The following RAB11A variants were observed in gnomAD, a reference collection of about 807,000 sequenced individuals.
RAB11A encodes the protein ras-related protein Rab-11A.
Under a neutral mutation model 28.0 loss-of-function variants are expected in RAB11A, and 9 were observed. The observed-to-expected ratio is 0.32, with a 90% CI of 0.19 to 0.56. RAB11A has a LOEUF of 0.56. RAB11A is among the 20% of genes least tolerant of loss of function. RAB11A has a pLI of 0.91. For missense variants in RAB11A, 108 were observed against 269.6 expected (o/e 0.40, Z 4.20); for synonymous variants, 85 against 88.2 (o/e 0.96, Z 0.20).
chr15:65,878,604 G>A (rs1372836573), intron 3 of RAB11A, among the ~76,000 whole-genome samples: 3 of 152,172 alleles, frequency 2.0e-5, no homozygotes, highest in Non-Finnish European at 4.4e-5. Context: ...GCGTGAACCC[G>A]GGAGCAGAGC....
chr15:65,872,981 TG>T (rs1740731508), intron 1 of RAB11A, among the ~76,000 whole-genome samples: 1 of 152,168 alleles, frequency 6.6e-6, no homozygotes, highest in Non-Finnish European at 1.5e-5. Flanking sequence ...GGAGTTAGTT[TG>T]TAACTAACCA....
intron 3 of RAB11A, 90 bp downstream of exon 3, chr15:65,878,045 A>G (rs1246005979): frequency 1.6e-6 from 2 of 1,254,768 alleles, no homozygotes; most frequent in Admixed American, 3.4e-5. Flanking sequence ...TAATAGTTTC[A>G]GAGAGGTAAA....
At chr15:65,879,808 T>C in intron 4 of RAB11A, 57 bp downstream of exon 4, 1 of 1,281,536 alleles carries the variant, frequency 7.8e-7, no homozygotes, top group Non-Finnish European at 1.1e-6. Flanking sequence ...GGAAGGTAAT[T>C]TAAACAAACT....
At chr15:65,872,754 CTCTTACAGGATATGAGTCACTTTTTCT>C (rs2078170700) in intron 1 of RAB11A, among the ~76,000 whole-genome samples, 1 of 152,140 alleles carries the variant, frequency 6.6e-6, no homozygotes, top group African/African-American at 2.4e-5. Context: ...TTTTTTAAAG[CTCTTACAGGATATGAGTCACTTTTTCT>C]TTTTCTTTTT....
chr15:65,876,289 T>A (rs1037045950), intron 1 of RAB11A, among the ~76,000 whole-genome samples: 4 of 152,092 alleles, frequency 2.6e-5, no homozygotes, highest in Non-Finnish European at 5.9e-5. Flanking sequence ...CCTTGCTTTG[T>A]TGTATTTTAT....
intron 4 of RAB11A, among the ~76,000 whole-genome samples, chr15:65,881,906 A>C (rs934755290): frequency 6.6e-6 from 1 of 150,420 alleles, no homozygotes; most frequent in Non-Finnish European, 1.5e-5. Flanking sequence ...AAAAAACACA[A>C]AAAAATTAGC....
intron 3 of RAB11A, 187 bp downstream of exon 3, chr15:65,878,142 C>T (rs2078200253): frequency 4.5e-6 from 3 of 674,060 alleles, no homozygotes; most frequent in Non-Finnish European, 7.9e-6. Context: ...TAATATTTTG[C>T]TGCCAAAAAA....
At chr15:65,869,958 C>G (rs1430912368) in intron 1 of RAB11A, 4 of 245,310 alleles carry the variant, frequency 1.6e-5, no homozygotes, top group Non-Finnish European at 3.1e-5. Flanking sequence ...CACCATCTCT[C>G]TTTTCGGGTG....
chr15:65,869,535 G>T lies in RAB11A; in HGVS notation c.-51G>T, dbSNP rs1386807438. 1.3e-6 allele frequency: 2 copies of T among 1,599,172 alleles called. No individual in the cohort carries two copies. Among genetic ancestry groups the T allele is most frequent in the Non-Finnish European group, 1.7e-6 (2 of 1,174,568 alleles). On this transcript the variant is annotated 5_prime_UTR_variant, in exon 1 of 5. Coordinates refer to ENST00000261890, the MANE Select transcript of RAB11A (RefSeq NM_004663.5). Reference sequence around the variant, plus strand: ...GGTTACCCCTGCAGCGACGCCCCCTGGTCCCACAGATACCACTGCTGCTCC... The same window carrying T: ...GGTTACCCCTGCAGCGACGCCCCCTTGTCCCACAGATACCACTGCTGCTCC...
rs370187990 is a variant in RAB11A at position 65,879,757 on chromosome 15, A to G, written c.511+6A>G. The stretch of plus-strand genomic sequence containing the variant: ...TTTTCAGACAATTTTAACAGGTAAG[A>G]CTTGTATTTTCAGATTACACCAGTA... On this transcript the variant is annotated splice_donor_region_variant and intron_variant, in intron 4 of 4. Coordinates refer to ENST00000261890, the MANE Select transcript of RAB11A (RefSeq NM_004663.5). 3 of 1,549,580 alleles carry G rather than the reference A, an allele frequency of 1.9e-6. No individual in the cohort carries two copies. The highest frequency in any genetic ancestry group is 2.3e-5 in the East Asian group (1 of 44,194).
At chr15:65,879,197 C>T (rs943462444) in intron 3 of RAB11A, among the ~76,000 whole-genome samples, 1 of 152,142 alleles carries the variant, frequency 6.6e-6, no homozygotes, top group South Asian at 2.1e-4. Context: ...CAAAACCTCT[C>T]TCCAGTGTTT....
chr15:65,873,007 GA>G, intron 1 of RAB11A, among the ~76,000 whole-genome samples: 1 of 152,280 alleles, frequency 6.6e-6, no homozygotes, highest in East Asian at 1.9e-4. Context: ...AAAATAAAGG[GA>G]TATTTTGATT....
rs1029181275 is a variant in RAB11A, at chr15:65,888,335, T to C, written c.*495T>C. On this transcript the variant is annotated 3_prime_UTR_variant, in exon 5 of 5. Coordinates refer to ENST00000261890, the MANE Select transcript of RAB11A (RefSeq NM_004663.5). ...TTGAGAGCTTGAAAATTTTCCATTA[T>C]TCTGGACATGAATTTCTAAAATGCC... The C allele has an allele frequency of 2.0e-5, 3 of 152,876 alleles. No homozygotes were observed. The highest frequency in any genetic ancestry group is 7.2e-5 in the African/African-American group (3 of 41,480). The allele number at this position is 152,876 out of a possible 1,614,324, so 9.5% of individuals were successfully genotyped here.
At chr15:65,885,837 G>A (rs886735683) in intron 4 of RAB11A, among the ~76,000 whole-genome samples, 2 of 152,222 alleles carry the variant, frequency 1.3e-5, no homozygotes, top group African/African-American at 4.8e-5. Context: ...CCAGAGAGAT[G>A]ACCCACCTCC....
At chr15:65,882,300 TA>T (rs2078227875) in intron 4 of RAB11A, among the ~76,000 whole-genome samples, 1 of 152,260 alleles carries the variant, frequency 6.6e-6, no homozygotes, top group Non-Finnish European at 1.5e-5. Flanking sequence ...ATGTTTGTTC[TA>T]AACTTTCTTC....
rs1360410923 is a variant in RAB11A at position 65,877,103 on chromosome 15, GA to G, written c.41-227del. 1.3e-5 allele frequency among the ~76,000 whole-genome samples: 2 copies of G among 152,234 alleles called. No individual in the cohort carries two copies. The highest frequency in any genetic ancestry group is 2.9e-5 in the Non-Finnish European group (2 of 68,038). On this transcript the variant is annotated intron_variant, in intron 1 of 4. Coordinates refer to ENST00000261890, the MANE Select transcript of RAB11A (RefSeq NM_004663.5). The surrounding 1 kb of genome is among the most constrained non-coding windows in gnomAD (Gnocchi z 4.1). ...ATCTGTGCTAAGCAGATGATATGTGGAAGTCATGCAGGTAGAAACAGGTTGA... is the reference window on the plus strand; with the variant it reads ...ATCTGTGCTAAGCAGATGATATGTGGAGTCATGCAGGTAGAAACAGGTTGA...
rs766878106 is a variant in RAB11A, at chr15:65,877,420, C to T, written c.129C>T (p.Thr43=). 1.9e-6 allele frequency: 3 copies of T among 1,613,942 alleles called. No individual in the cohort carries two copies. In the South Asian group the frequency reaches 3.3e-5, roughly 18 times the overall value. ...AGTTTAATCTGGAAAGCAAGAGCACCATTGGAGTAGAGTTTGCAACAAGAA... is the reference window on the plus strand; with the variant it reads ...AGTTTAATCTGGAAAGCAAGAGCACTATTGGAGTAGAGTTTGCAACAAGAA... The part of the protein sequence containing the change: ...RNEFNLESKS[T]IGVEFATRSI... The change falls in exon 2 of 5, where the codon ACC becomes ACT. Residue 43 remains threonine (T), a synonymous_variant. Transcript: ENST00000261890. This position sits in a 1 kb window ranked among gnomAD's most constrained non-coding sequence, Gnocchi z 4.1.
At chr15:65,884,481 T>C (rs553560564) in intron 4 of RAB11A, among the ~76,000 whole-genome samples, 2 of 152,166 alleles carry the variant, frequency 1.3e-5, no homozygotes, top group South Asian at 4.1e-4. Flanking sequence ...AACAAATATA[T>C]GTAAAACTGG....
At chr15:65,878,635 G>A (rs527328365) in intron 3 of RAB11A, among the ~76,000 whole-genome samples, 30 of 152,328 alleles carry the variant, frequency 2.0e-4, no homozygotes, top group African/African-American at 6.0e-4. Context: ...CCGAGATAGC[G>A]CCACTGCAGT....
Sources: allele counts gnomAD v4.1 joint callset (sites outside exome capture counted in the v4.1 genomes callset), GRCh38; gene constraint gnomAD v4.1.1; non-coding constraint Gnocchi (gnomAD v3.1); transcripts MANE v1.5; gene names NCBI Gene and HGNC (gene_info 2026-07-23, HGNC 2026-07-21).